The following ZNF335 variants were observed in gnomAD, a reference collection of about 807,000 sequenced individuals.
ZNF335 encodes NRC-interacting factor 1.
ZNF335 carries 84 observed loss-of-function variants against 145.6 expected under a neutral mutation model. The ratio of observed to expected loss-of-function variants is 0.58; its 90% CI spans 0.48 to 0.69. The LOEUF (loss-of-function observed/expected upper bound fraction) is 0.69, where lower values mean the gene tolerates loss of function less well. Among genes scored for constraint, ZNF335 ranks in the 30% least tolerant of loss-of-function variants. The pLI, the probability that ZNF335 is intolerant of heterozygous loss-of-function variation, is 0.00. For synonymous variants in ZNF335, 761 were observed against 717.0 expected (o/e 1.06, Z -0.98); for missense variants, 1,865 against 1,809.7 (o/e 1.03, Z -0.55).
intron 17 of ZNF335, among the ~76,000 whole-genome samples, chr20:45,955,606 G>T (rs2083715028): frequency 6.6e-6 from 1 of 151,958 alleles, no homozygotes; most frequent in African/African-American, 2.4e-5. Context: ...ATCACTTGAG[G>T]TCAGGAGTTC....
At position 45,949,496 on chromosome 20, in the gene ZNF335, G is replaced by A; in HGVS notation, c.3742C>T (p.His1248Tyr). The A allele has an allele frequency of 6.2e-7, 1 of 1,613,792 alleles. No homozygotes were observed. Residue 1248 changes from histidine (H) to tyrosine (Y), a missense_variant, in exon 25 of 28, where the codon CAT (histidine) becomes TAT (tyrosine). His to Tyr is a moderately conservative substitution (Grantham distance 83). Transcript: ENST00000322927. ...CAGGTCTGGCCTACCTGGATGTGATGGCCTTCAGGGACCACAACATATTCC... is the reference window on the plus strand; with the variant it reads ...CAGGTCTGGCCTACCTGGATGTGATAGCCTTCAGGGACCACAACATATTCC... Reference protein sequence around the residue: ...PQEYVVVPEGHHIQVQEGQIT... With the variant: ...PQEYVVVPEGYHIQVQEGQIT...
In ZNF335 at chr20:45,963,617, C is replaced by A; in HGVS notation, c.1389G>T (p.Arg463Ser). 3 of 1,614,166 alleles carry A rather than the reference C, an allele frequency of 1.9e-6. No individual in the cohort carries two copies. The highest frequency in any genetic ancestry group is 2.5e-6 in the Non-Finnish European group (3 of 1,180,024). ...AACCACAGATGCGGCACAGGAAGGG[C>A]CTCAAAAGTGGTTTGGGCGACTTGT... ...YYYKSPKPLL[R>S]PFLCRICGSR... Residue 463 changes from arginine to serine, a missense_variant, in exon 9 of 28, where the codon AGG becomes AGT. Coordinates refer to ENST00000322927, the MANE Select transcript of ZNF335 (RefSeq NM_022095.4).
Position 45,967,748 on chromosome 20 carries a change from C to T in ZNF335, c.800G>A (p.Arg267His), listed in dbSNP as rs773799746. 3.7e-5 allele frequency: 60 copies of T among 1,610,652 alleles called. No homozygotes were observed. The highest frequency in any genetic ancestry group is 4.0e-5 in the Non-Finnish European group (47 of 1,178,266). The change falls in exon 5 of 28, where the codon CGC (arginine) becomes CAC (histidine). Residue 267 changes from arginine to histidine, a missense_variant. Coordinates refer to ENST00000322927, the MANE Select transcript of ZNF335 (RefSeq NM_022095.4). ...TACTGACGCACCTGGACGGAAGTGG[C>T]GTTCCCGCATGTGGCGCAGCAGTGT... ...KATLLRHMRE[R>H]HFRPVAAAAA...
chr20:45,962,392 G>A (rs2083860564), intron 9 of ZNF335, among the ~76,000 whole-genome samples: 1 of 152,248 alleles, frequency 6.6e-6, no homozygotes, highest in African/African-American at 2.4e-5. Context: ...GCCAGGCTCT[G>A]TGCTGGCTCA....
chr20:45,962,829 T>C (rs1352013481), intron 9 of ZNF335, among the ~76,000 whole-genome samples: 1 of 142,132 alleles, frequency 7.0e-6, no homozygotes, highest in Non-Finnish European at 1.5e-5. Flanking sequence ...GTTTGTTTTT[T>C]TGAGACAGAG....
intron 10 of ZNF335, 197 bp downstream of exon 10, chr20:45,961,873 C>A: frequency 1.9e-6 from 1 of 514,330 alleles, no homozygotes; most frequent in South Asian, 3.1e-5. Context: ...AGCTGGGGAC[C>A]TCAAGGCCTG....
intron 10 of ZNF335, 127 bp from the exon 11 acceptor site, chr20:45,961,009 G>T (rs565855513): frequency 1.2e-5 from 15 of 1,283,616 alleles, no homozygotes; most frequent in East Asian, 2.5e-5. Flanking sequence ...TCTTAGAATA[G>T]TGCTTCCCCA....
Position 45,950,055 on chromosome 20 carries a change from T to C in ZNF335, c.3502A>G (p.Ser1168Gly), listed in dbSNP as rs1600517644. ...LATLHTALQS[S>G]HGVLGPERLQ... The stretch of plus-strand genomic sequence containing the variant: ...CGCTCTGGGCCCAGGACCCCGTGAC[T>C]GGACTGGAGTGCAGCTGGGCAGAGA... The change falls in exon 23 of 28, where the codon AGT (serine) becomes GGT (glycine). Residue 1168 changes from serine to glycine, a missense_variant. Physicochemically the swap from Ser to Gly is moderately conservative, Grantham distance 56. Coordinates refer to ENST00000322927, the MANE Select transcript of ZNF335 (RefSeq NM_022095.4). 1.9e-6 allele frequency: 3 copies of C among 1,613,842 alleles called. No homozygotes were observed. Among genetic ancestry groups the C allele is most frequent in the Non-Finnish European group, 2.5e-6 (3 of 1,179,930 alleles).
At position 45,960,540 on chromosome 20, in the gene ZNF335, G is replaced by C. The variant is rs1411853992; in HGVS notation, c.1783-15C>G. On this transcript the variant is annotated splice_polypyrimidine_tract_variant and intron_variant, in intron 12 of 27. Transcript: ENST00000322927. ...GACTTTCCACACTGTGAGGGGTGGA[G>C]AGCAGTGAGATGGCGATCACCCTCC... is the stretch of plus-strand genomic sequence containing the variant. The C allele has an allele frequency of 6.2e-7, 1 of 1,613,958 alleles. No individual in the cohort carries two copies. Among genetic ancestry groups the C allele is most frequent in the Non-Finnish European group, 8.5e-7 (1 of 1,179,834 alleles).
At chr20:45,960,555 G>T (rs779895483) in intron 12 of ZNF335, 30 bp from the exon 13 acceptor site, 1 of 1,613,858 alleles carries the variant, frequency 6.2e-7, no homozygotes, top group East Asian at 2.2e-5. Context: ...GTGAGATGGC[G>T]ATCACCCTCC....
rs746588939 is a variant in ZNF335 at position 45,950,490 on chromosome 20, T to A, written c.3295A>T (p.Lys1099Ter). 6.2e-7 allele frequency: 1 copy of A among 1,614,184 alleles called. No homozygotes were observed. The highest frequency in any genetic ancestry group is 8.5e-7 in the Non-Finnish European group (1 of 1,180,036). Reference sequence around the variant, plus strand: ...AGGTGGCATGCAAAAGGCTTCTCCTTTGTGTGAGTCAGCATGTGCCGACGC... The same window carrying A: ...AGGTGGCATGCAAAAGGCTTCTCCTATGTGTGAGTCAGCATGTGCCGACGC... The part of the protein sequence containing the change: ...DLRRHMLTHT[K>*]EKPFACHLCG... Residue 1099 changes from lysine (K) to a stop codon, truncating the protein, a stop_gained, in exon 21 of 28, where the codon AAG becomes TAG. Transcript: ENST00000322927. LOFTEE classifies it high-confidence loss of function.
intron 24 of ZNF335, 107 bp downstream of exon 24, chr20:45,949,693 A>G: frequency 2.7e-6 from 4 of 1,483,488 alleles, no homozygotes; most frequent in Admixed American, 1.8e-5. Flanking sequence ...GTTGGCAAGC[A>G]TGGACCCCAG....
chr20:45,949,707 G>T (rs2083592472), intron 24 of ZNF335, 93 bp downstream of exon 24: 17 of 1,512,380 alleles, frequency 1.1e-5, no homozygotes, highest in Non-Finnish European at 1.5e-5. Context: ...ACCCCAGGAG[G>T]GGTGGTTTGG....
chr20:45,963,148 A>T (rs1293107865), intron 9 of ZNF335, among the ~76,000 whole-genome samples: 2 of 152,104 alleles, frequency 1.3e-5, no homozygotes, highest in African/African-American at 2.4e-5. Context: ...CATGACTGCC[A>T]TCTGCTGGAA....
In ZNF335 at chr20:45,959,314, C is replaced by T; in HGVS notation, c.2140G>A (p.Glu714Lys). 6.3e-7 allele frequency: 1 copy of T among 1,577,924 alleles called. No individual in the cohort carries two copies. The highest frequency in any genetic ancestry group is 1.1e-5 in the South Asian group (1 of 87,226). ...GGGCGACGGCGGGAGGGGGGCTCCT[C>T]AGGGTGGCGCCTCCCCCATTCCTCG... The part of the protein sequence containing the change: ...SFEEWGRRHP[E>K]EPPSRRRPFF... The change falls in exon 15 of 28, where the codon GAG (glutamate) becomes AAG (lysine). Residue 714 changes from glutamate (E) to lysine (K), a missense_variant. Transcript: ENST00000322927.
rs758561068 is a variant in ZNF335, at chr20:45,949,329, C to A, written c.3819+4G>T. The A allele has an allele frequency of 1.2e-6, 2 of 1,614,126 alleles. No homozygotes were observed. Among genetic ancestry groups the A allele is most frequent in the East Asian group, 4.5e-5 (2 of 44,880 alleles). ...CAGGTCTCCCTGTCCCCCCACGGCC[C>A]TACCTGGGACTCCTGAAGGAACGGG... On this transcript the variant is annotated splice_donor_region_variant and intron_variant, in intron 26 of 27. Coordinates refer to ENST00000322927, the MANE Select transcript of ZNF335 (RefSeq NM_022095.4).
chr20:45,958,027 G>A (rs2083761046), intron 15 of ZNF335, 99 bp from the exon 16 acceptor site: 2 of 951,902 alleles, frequency 2.1e-6, no homozygotes, highest in South Asian at 1.4e-5. Context: ...TACATCTGTT[G>A]GCTTGTTTCA....
rs1337114919 is a variant in ZNF335 at position 45,960,796 on chromosome 20, C to T, written c.1666-64G>A. On this transcript the variant is annotated intron_variant, in intron 11 of 27. Transcript: ENST00000322927. ...TGGAGGAGGGAGGATAAAACCTCCC[C>T]TCTTGTCCTCACCCCCATAAACAAC... The T allele has an allele frequency of 9.9e-6, 16 of 1,613,058 alleles. No individual in the cohort carries two copies. In the East Asian group the frequency reaches 2.2e-4, roughly 22 times the overall value.
At chr20:45,958,547 C>T (rs34293711) in intron 15 of ZNF335, among the ~76,000 whole-genome samples, 55,227 of 152,024 alleles carry the variant, frequency 0.36, 10,679 homozygotes, top group Middle Eastern at 0.47. Context: ...TGTCAGCTCA[C>T]GTGGCAGAGA....
Sources: allele counts gnomAD v4.1 joint callset (sites outside exome capture counted in the v4.1 genomes callset), GRCh38; gene constraint gnomAD v4.1.1; transcripts MANE v1.5; gene names NCBI Gene and HGNC (gene_info 2026-07-23, HGNC 2026-07-21).